Variants in DCC observed in about 807,000 individuals in gnomAD.
The protein encoded by DCC is DCC netrin 1 receptor, also known as netrin receptor DCC.
A neutral mutation model predicts 172.5 loss-of-function variants in DCC; 58 were observed. The ratio of observed to expected loss-of-function variants is 0.34; its 90% CI spans 0.27 to 0.42. DCC has a LOEUF of 0.42. Among genes scored for constraint, DCC ranks in the 10% least tolerant of loss-of-function variants. The pLI, the probability that DCC is intolerant of heterozygous loss-of-function variation, is 1.00. For missense variants in DCC, 1,740 were observed against 1,791.0 expected, an observed-to-expected ratio of 0.97 and a Z score of 0.51; for synonymous variants, 709 against 644.5, an observed-to-expected ratio of 1.10 and a Z score of -1.52.
At chr18:53,123,770 T>A (rs1181387657) in intron 7 of DCC, among the ~76,000 whole-genome samples, 1 of 152,096 alleles carries the variant, frequency 6.6e-6, no homozygotes, top group Non-Finnish European at 1.5e-5. Flanking sequence ...ACAGTCTTCA[T>A]CTCTCCCCTC....
Position 53,378,151 on chromosome 18 carries a change from AG to A in DCC, c.2360-7889del, listed in dbSNP as rs527595897. Among the ~76,000 whole-genome samples the A allele has an allele frequency of 5.5e-3, 840 of 152,016 alleles. 4 individuals are homozygous for A. The highest frequency in any genetic ancestry group is 9.3e-3 in the Non-Finnish European group (631 of 67,966). ...TAATTTTTCTATTTTTATTAGAAAC[AG>A]GGTTTTGCCTGTTGGTCGGGCTGGT... On this transcript the variant is annotated intron_variant, in intron 15 of 28. Transcript: ENST00000442544.
At chr18:53,464,271 G>C (rs115952097) in intron 24 of DCC, among the ~76,000 whole-genome samples, 1 of 152,122 alleles carries the variant, frequency 6.6e-6, no homozygotes, top group African/African-American at 2.4e-5. Flanking sequence ...CTTCACTTCG[G>C]AAGAATGAAC....
At chr18:52,875,814 T>G (rs558949217) in intron 2 of DCC, among the ~76,000 whole-genome samples, 1 of 152,306 alleles carries the variant, frequency 6.6e-6, no homozygotes, top group South Asian at 2.1e-4. Context: ...CTTCTCCCAA[T>G]TGAAGATAAA....
intron 1 of DCC, among the ~76,000 whole-genome samples, chr18:52,469,306 C>T (rs932696328): frequency 6.6e-6 from 1 of 152,140 alleles, no homozygotes; most frequent in Non-Finnish European, 1.5e-5. Flanking sequence ...CATCTGCCCA[C>T]CTCAGGTGGC....
intron 2 of DCC, among the ~76,000 whole-genome samples, chr18:52,814,269 G>T (rs932265182): frequency 2.6e-5 from 4 of 152,218 alleles, no homozygotes; most frequent in Non-Finnish European, 4.4e-5. Flanking sequence ...GAGCCAGCCA[G>T]TCTGGAGTGG....
rs1186889156 is a variant in DCC, at chr18:52,410,889, G to GT, written c.91+70012dup. Among the ~76,000 whole-genome samples the GT allele has an allele frequency of 1.1e-3, 172 of 152,246 alleles. 1 individual carries two copies. The South Asian group carries it at 0.018, about 16-fold the overall frequency. ...AATACTCCCTTGGAGAAGGAATACA[G>GT]TGACTTTTTATAGACAACTTTTAGA... On this transcript the variant is annotated intron_variant, in intron 1 of 28. Transcript: ENST00000442544.
intron 5 of DCC, among the ~76,000 whole-genome samples, chr18:52,935,110 A>G (rs771749454): frequency 6.6e-6 from 1 of 152,134 alleles, no homozygotes; most frequent in East Asian, 1.9e-4. Flanking sequence ...AACAATGAAG[A>G]CTTATATTAT....
At chr18:52,784,237 C>A (rs904801690) in intron 2 of DCC, among the ~76,000 whole-genome samples, 1 of 151,522 alleles carries the variant, frequency 6.6e-6, no homozygotes, top group African/African-American at 2.4e-5. Flanking sequence ...TTCTGTGTTG[C>A]TGCAAATAAC....
chr18:52,661,368 C>T (rs1376335870), intron 1 of DCC, among the ~76,000 whole-genome samples: 1 of 152,198 alleles, frequency 6.6e-6, no homozygotes, highest in East Asian at 1.9e-4. Flanking sequence ...AATGCTCTTT[C>T]TAGAGAGATT....
chr18:53,234,717 C>A (rs895490541), intron 12 of DCC, among the ~76,000 whole-genome samples: 1 of 152,138 alleles, frequency 6.6e-6, no homozygotes, highest in African/African-American at 2.4e-5. Context: ...CAGTTTTTTA[C>A]CTAAACCAGT....
chr18:53,012,458 GA>G (rs2041744364), intron 5 of DCC, among the ~76,000 whole-genome samples: 1 of 151,958 alleles, frequency 6.6e-6, no homozygotes, highest in South Asian at 2.1e-4. Flanking sequence ...TGAAGCTCAA[GA>G]AAAGGCAAAC....
At chr18:53,282,941 T>C (rs2056890768) in intron 12 of DCC, among the ~76,000 whole-genome samples, 1 of 152,192 alleles carries the variant, frequency 6.6e-6, no homozygotes, top group Non-Finnish European at 1.5e-5. Flanking sequence ...TGGTGAATTT[T>C]GGTCATTTGC....
intron 7 of DCC, among the ~76,000 whole-genome samples, chr18:53,136,223 A>G (rs2043740237): frequency 7.6e-6 from 1 of 131,966 alleles, no homozygotes; most frequent in Non-Finnish European, 1.6e-5. Context: ...ATATATATAC[A>G]CACACACACA....
intron 2 of DCC, among the ~76,000 whole-genome samples, chr18:52,858,560 T>C (rs1199563199): frequency 6.6e-6 from 1 of 152,182 alleles, no homozygotes; most frequent in Non-Finnish European, 1.5e-5. Flanking sequence ...GAGCTTCTCC[T>C]GGCATTGAAG....
intron 12 of DCC, among the ~76,000 whole-genome samples, chr18:53,241,430 G>T (rs1386742885): frequency 6.6e-6 from 1 of 152,134 alleles, no homozygotes; most frequent in Non-Finnish European, 1.5e-5. Flanking sequence ...AGGGTCAAGT[G>T]GACCAACATA....
chr18:52,915,169 G>A (rs531525542), intron 3 of DCC, among the ~76,000 whole-genome samples: 17 of 152,146 alleles, frequency 1.1e-4, no homozygotes, highest in Admixed American at 6.6e-4. Context: ...ATTCAGTGCC[G>A]TAAATTTCAT....
intron 13 of DCC, among the ~76,000 whole-genome samples, chr18:53,314,403 A>G (rs2057320316): frequency 2.0e-5 from 3 of 152,366 alleles, no homozygotes; most frequent in South Asian, 2.1e-4. Context: ...TTTTTATCCC[A>G]CTAGGATAAA....
chr18:53,109,410 C>T (rs1482981963), intron 7 of DCC, among the ~76,000 whole-genome samples: 1 of 151,260 alleles, frequency 6.6e-6, no homozygotes, highest in African/African-American at 2.4e-5. Context: ...TTTATTAAAT[C>T]CTCTTTATTA....
At chr18:52,659,904 A>C (rs971677879) in intron 1 of DCC, among the ~76,000 whole-genome samples, 2 of 152,094 alleles carry the variant, frequency 1.3e-5, no homozygotes, top group Non-Finnish European at 2.9e-5. Context: ...ATAGAAAATT[A>C]ATTGGGTATT....
Sources: allele counts gnomAD v4.1 joint callset (sites outside exome capture counted in the v4.1 genomes callset), GRCh38; gene constraint gnomAD v4.1.1; transcripts MANE v1.5; gene names NCBI Gene and HGNC (gene_info 2026-07-23, HGNC 2026-07-21).